The following RBFOX1 variants were observed in gnomAD, a reference collection of about 807,000 sequenced individuals.
The protein encoded by RBFOX1 is RNA binding fox-1 homolog 1.
In RBFOX1, 8 loss-of-function variants were observed where a neutral mutation model predicts 57.7. The ratio of observed to expected loss-of-function variants is 0.14; its 90% CI spans 0.08 to 0.25. The LOEUF is 0.25. Among genes scored for constraint, RBFOX1 ranks in the 10% least tolerant of loss-of-function variants. RBFOX1 has a pLI of 1.00. For missense variants in RBFOX1, 611 were observed against 548.5 expected (o/e 1.11, Z -1.14); for synonymous variants, 326 against 222.4 (o/e 1.47, Z -4.15).
At chr16:6,827,695 T>A (rs1334876819) in intron 3 of RBFOX1, among the ~76,000 whole-genome samples, 1 of 152,174 alleles carries the variant, frequency 6.6e-6, no homozygotes, top group Non-Finnish European at 1.5e-5. Context: ...AGGGGCCAGC[T>A]TCTCTCCGTC....
intron 2 of RBFOX1, among the ~76,000 whole-genome samples, chr16:6,606,269 T>C (rs1471444684): frequency 5.3e-5 from 8 of 152,038 alleles, no homozygotes; most frequent in Non-Finnish European, 1.0e-4. Context: ...TCCAAGCCAA[T>C]ATATTAGAAA....
At chr16:5,350,830 G>A (rs1243171853) in intron 1 of RBFOX1, among the ~76,000 whole-genome samples, 1 of 151,982 alleles carries the variant, frequency 6.6e-6, no homozygotes. Flanking sequence ...GCACCACTGC[G>A]CTCCAGCCTG....
chr16:6,800,917 T>A (rs2085283599), intron 3 of RBFOX1, among the ~76,000 whole-genome samples: 1 of 152,130 alleles, frequency 6.6e-6, no homozygotes, highest in Non-Finnish European at 1.5e-5. Flanking sequence ...TGGAAACTAG[T>A]TTGCTATCCG....
intron 2 of RBFOX1, among the ~76,000 whole-genome samples, chr16:5,558,101 C>G (rs1346106374): frequency 6.6e-6 from 1 of 152,184 alleles, no homozygotes; most frequent in Non-Finnish European, 1.5e-5. Flanking sequence ...ACTCCCATCA[C>G]TCAATAATAC....
intron 4 of RBFOX1, among the ~76,000 whole-genome samples, chr16:7,204,337 C>T (rs1392633248): frequency 6.6e-6 from 1 of 152,172 alleles, no homozygotes; most frequent in Non-Finnish European, 1.5e-5. Flanking sequence ...TTAATATTAG[C>T]ATTCCCATAT....
chr16:5,657,607 G>A lies in RBFOX1; in HGVS notation c.318+58646G>A, dbSNP rs562444257. 9.9e-4 allele frequency among the ~76,000 whole-genome samples: 93 copies of A among 94,184 alleles called. 1 individual carries two copies. The highest frequency in any genetic ancestry group is 3.1e-3 in the African/African-American group (84 of 26,870). 61.8% of individuals were successfully genotyped at this position (94,184 alleles called of 152,430 possible). A position where few individuals can be genotyped will look rare whatever the true frequency, so the allele number is the denominator to read the frequency against. The stretch of plus-strand genomic sequence containing the variant: ...GAGGTCTGTAAATTCTTTCTCGCTC[G>A]CTTTCTTTCTTTCTCTCTTTCTTTC... On this transcript the variant is annotated intron_variant, in intron 3 of 19. Coordinates refer to the RBFOX1 transcript ENST00000641259.
At chr16:6,712,989 C>G (rs986338490) in intron 3 of RBFOX1, among the ~76,000 whole-genome samples, 3 of 145,654 alleles carry the variant, frequency 2.1e-5, no homozygotes, top group East Asian at 2.1e-4. Flanking sequence ...CACATGCTCT[C>G]TTGCCTGCCG....
intron 3 of RBFOX1, chr16:5,632,361 G>A (rs955426941): frequency 6.6e-6 from 1 of 152,186 alleles, no homozygotes; most frequent in African/African-American, 2.4e-5. Context: ...CTGTTTCCTG[G>A]TCAACGTTAT....
chr16:6,004,392 T>C (rs1046628526), intron 4 of RBFOX1, among the ~76,000 whole-genome samples: 2 of 152,150 alleles, frequency 1.3e-5, no homozygotes, highest in Non-Finnish European at 2.9e-5. Context: ...AGGGTTTACA[T>C]AGTTAATATT....
rs116877034 is a variant in RBFOX1, at chr16:6,530,102, C to T, written c.-63-124501C>T. On this transcript the variant is annotated intron_variant, in intron 2 of 15. Coordinates refer to ENST00000550418, the MANE Select transcript of RBFOX1 (RefSeq NM_018723.4). Reference sequence around the variant, plus strand: ...CCTTGTCAGTCAGACTTGTAGCTTCCGAAAAGGAGACAGTGTGTGGTGTTT... The same window carrying T: ...CCTTGTCAGTCAGACTTGTAGCTTCTGAAAAGGAGACAGTGTGTGGTGTTT... Among the ~76,000 whole-genome samples, 985 of 152,162 alleles carry T rather than the reference C, an allele frequency of 6.5e-3. 9 individuals are homozygous for T. The highest frequency in any genetic ancestry group is 0.034 in the Middle Eastern group (10 of 294).
At chr16:7,330,446 T>C (rs1255908800) in intron 4 of RBFOX1, among the ~76,000 whole-genome samples, 4 of 136,864 alleles carry the variant, frequency 2.9e-5, no homozygotes, top group Non-Finnish European at 4.6e-5. Context: ...AATCTATGGA[T>C]GTGGAACCCC....
At chr16:5,320,543 A>C (rs2151247321) in intron 1 of RBFOX1, among the ~76,000 whole-genome samples, 1 of 152,310 alleles carries the variant, frequency 6.6e-6, no homozygotes. Flanking sequence ...ATCAAGTCTC[A>C]CAGACACAGA....
At chr16:7,520,506 C>G (rs1056130282) in intron 5 of RBFOX1, among the ~76,000 whole-genome samples, 2 of 152,110 alleles carry the variant, frequency 1.3e-5, no homozygotes, top group Non-Finnish European at 1.5e-5. Context: ...TCTCTTAACA[C>G]GATGTTGTCT....
intron 3 of RBFOX1, among the ~76,000 whole-genome samples, chr16:5,751,966 C>A (rs1389504737): frequency 6.6e-6 from 1 of 152,178 alleles, no homozygotes; most frequent in South Asian, 2.1e-4. Context: ...TATAAAGATA[C>A]ATGCATGTGT....
chr16:6,309,012 T>G (rs991883614), intron 1 of RBFOX1, among the ~76,000 whole-genome samples: 1 of 151,974 alleles, frequency 6.6e-6, no homozygotes, highest in Non-Finnish European at 1.5e-5. Flanking sequence ...AAGACTTACC[T>G]CTCTCCTCTC....
chr16:6,709,108 G>A (rs1354131475), intron 3 of RBFOX1, among the ~76,000 whole-genome samples: 1 of 151,970 alleles, frequency 6.6e-6, no homozygotes, highest in African/African-American at 2.4e-5. Context: ...TACAGCTTAT[G>A]TCATATAAAT....
At chr16:7,180,476 A>C (rs948757914) in intron 4 of RBFOX1, among the ~76,000 whole-genome samples, 1 of 152,182 alleles carries the variant, frequency 6.6e-6, no homozygotes, top group Non-Finnish European at 1.5e-5. Context: ...CAGAAAGTCT[A>C]CACCACGTTT....
intron 4 of RBFOX1, among the ~76,000 whole-genome samples, chr16:7,150,881 T>G (rs1033126088): frequency 6.6e-6 from 1 of 152,218 alleles, no homozygotes; most frequent in African/African-American, 2.4e-5. Flanking sequence ...ATTATAATTA[T>G]GATGGTAGTT....
intron 1 of RBFOX1, among the ~76,000 whole-genome samples, chr16:5,434,331 T>TTTTTTTG: frequency 7.0e-6 from 1 of 142,174 alleles, no homozygotes; most frequent in Non-Finnish European, 1.5e-5. Flanking sequence ...TTTTTTTTTT[T>TTTTTTTG]TTTTTTTTGA....
Sources: allele counts gnomAD v4.1 joint callset (sites outside exome capture counted in the v4.1 genomes callset), GRCh38; gene constraint gnomAD v4.1.1; transcripts MANE v1.5; gene names NCBI Gene and HGNC (gene_info 2026-07-23, HGNC 2026-07-21).